The following FAT4 variants were observed in gnomAD, a reference collection of about 807,000 sequenced individuals.
The protein encoded by FAT4 is FAT atypical cadherin 4.
Under a neutral mutation model 303.9 loss-of-function variants are expected in FAT4, and 84 were observed. That is an observed-to-expected ratio of 0.28 (90% CI 0.23 to 0.33). The LOEUF (loss-of-function observed/expected upper bound fraction) is 0.33, where lower values mean the gene tolerates loss of function less well. Among genes scored for constraint, FAT4 ranks in the 10% least tolerant of loss-of-function variants. FAT4 has a pLI of 1.00. For synonymous variants in FAT4, 2,307 were observed against 2,298.8 expected, an observed-to-expected ratio of 1.00 and a Z score of -0.10; for missense variants, 6,005 against 6,146.8, an observed-to-expected ratio of 0.98 and a Z score of 0.77.
Position 125,446,355 on chromosome 4 carries a change from C to T in FAT4, c.7262C>T (p.Thr2421Ile). The T allele has an allele frequency of 6.2e-7, 1 of 1,613,126 alleles. No homozygotes were observed. The highest frequency in any genetic ancestry group is 8.5e-7 in the Non-Finnish European group (1 of 1,179,240). Residue 2421 changes from threonine (T) to isoleucine (I), a missense_variant, in exon 9 of 18, where the codon ACC becomes ATC. Thr to Ile is a moderately conservative substitution (Grantham distance 89, BLOSUM62 -1). Transcript: ENST00000394329. ...AACCCATCGACAGGACAAATCATCA[C>T]CAGCGCATTGTTAGATAGGGAAACA... ...TINPSTGQII[T>I]SALLDRETKD...
chr4:125,454,106 C>T (rs1726196100), intron 10 of FAT4, among the ~76,000 whole-genome samples: 1 of 152,148 alleles, frequency 6.6e-6, no homozygotes, highest in African/African-American at 2.4e-5. Flanking sequence ...TATTTATAAA[C>T]ATAATTTACA....
At chr4:125,359,429 T>A (rs1393619986) in intron 2 of FAT4, among the ~76,000 whole-genome samples, 2 of 152,320 alleles carry the variant, frequency 1.3e-5, no homozygotes, top group Admixed American at 1.3e-4. Context: ...TTCATACATA[T>A]TCATTAAGTG....
Position 125,477,233 on chromosome 4 carries a change from C to T in FAT4, c.12378C>T (p.His4126=), listed in dbSNP as rs1286748214. ...AACCAATCCTTCAGAGAAGAGGACA[C>T]GTGGAAAGCCATGATTTTGTTGGGT... ...SLEPILQRRG[H]VESHDFVGCI... is the part of the protein sequence containing the mutation. Residue 4126 remains histidine, a synonymous_variant, in exon 14 of 18, where the codon CAC becomes CAT. Transcript: ENST00000394329. 1.1e-5 allele frequency: 17 copies of T among 1,549,330 alleles called. No homozygotes were observed. The highest frequency in any genetic ancestry group is 1.4e-5 in the African/African-American group (1 of 71,010).
rs1482590682 is a variant in FAT4 at position 125,451,295 on chromosome 4, A to C, written c.10285A>C (p.Ser3429Arg). ...VPIGTHVTFVSAFDSDSIPSW... is the reference protein window; with the variant it reads ...VPIGTHVTFVRAFDSDSIPSW... ...AATAGGAACTCATGTGACCTTTGTC[A>C]GTGCCTTTGACTCAGACTCCATCCC... The change falls in exon 10 of 18, where the codon AGT becomes CGT. Residue 3429 changes from serine to arginine, a missense_variant. Transcript: ENST00000394329. 3 of 1,614,164 alleles carry C rather than the reference A, an allele frequency of 1.9e-6. No homozygotes were observed. The South Asian group carries it at 3.3e-5, about 18-fold the overall frequency.
At chr4:125,485,884 TGG>T (rs1727391396) in intron 16 of FAT4, among the ~76,000 whole-genome samples, 1 of 152,182 alleles carries the variant, frequency 6.6e-6, no homozygotes, top group Non-Finnish European at 1.5e-5. Context: ...TCAGCTCCTA[TGG>T]TTCATCATTG....
rs149250709 is a variant in FAT4 at position 125,468,638 on chromosome 4, C to T, written c.12032C>T (p.Ala4011Val). The T allele has an allele frequency of 3.9e-5, 63 of 1,614,036 alleles. No homozygotes were observed. In the African/African-American group the frequency reaches 4.5e-4, roughly 12 times the overall value. Residue 4011 changes from alanine (A) to valine (V), a missense_variant, in exon 12 of 18, where the codon GCC (alanine) becomes GTC (valine). Physicochemically the swap from Ala to Val is moderately conservative, Grantham distance 64 (BLOSUM62 0). Transcript: ENST00000394329. ...AAATTTGCCACGATTAAAAGTCATG[C>T]CTTATTGCTTTACAACTATGACAAC... The part of the protein sequence containing the change: ...YVKFATIKSH[A>V]LLLYNYDNQT...
rs976165775 is a variant in FAT4 at position 125,492,543 on chromosome 4, T to G, written c.*775T>G. On this transcript the variant is annotated 3_prime_UTR_variant, in exon 18 of 18. Coordinates refer to ENST00000394329, the MANE Select transcript of FAT4 (RefSeq NM_001291303.3). The stretch of plus-strand genomic sequence containing the variant: ...AGAAACACTCTTAAAAGTTATTTAT[T>G]GAAAATTTTTCGTATGCTTTTAATA... The G allele has an allele frequency of 6.6e-6, 1 of 152,330 alleles. No homozygotes were observed. Among genetic ancestry groups the G allele is most frequent in the Non-Finnish European group, 1.5e-5 (1 of 68,042 alleles). 9.4% of individuals were successfully genotyped at this position (152,330 alleles called of 1,614,324 possible).
chr4:125,341,399 A>G (rs1198344054), intron 2 of FAT4, among the ~76,000 whole-genome samples: 1 of 152,120 alleles, frequency 6.6e-6, no homozygotes, highest in Non-Finnish European at 1.5e-5. Context: ...TTATACTTCT[A>G]TTAACTGTAG....
At chr4:125,483,895 C>T (rs1008218024) in intron 16 of FAT4, among the ~76,000 whole-genome samples, 2 of 142,278 alleles carry the variant, frequency 1.4e-5, no homozygotes, top group Non-Finnish European at 3.0e-5. Context: ...TGGACTTTTA[C>T]TTATCAATTA....
At chr4:125,349,880 G>A (rs1229590612) in intron 2 of FAT4, among the ~76,000 whole-genome samples, 2 of 151,560 alleles carry the variant, frequency 1.3e-5, no homozygotes, top group East Asian at 1.9e-4. Context: ...AATTCAGAGT[G>A]CTTCAGTTGG....
chr4:125,480,262 T>C (rs1425376244), intron 15 of FAT4, among the ~76,000 whole-genome samples: 1 of 152,142 alleles, frequency 6.6e-6, no homozygotes, highest in African/African-American at 2.4e-5. Context: ...ACTAAATCAC[T>C]CAACACTGAG....
At chr4:125,476,783 T>G (rs1031318178) in intron 13 of FAT4, among the ~76,000 whole-genome samples, 1 of 152,154 alleles carries the variant, frequency 6.6e-6, no homozygotes. Context: ...ATCAACTTAC[T>G]GATATTCTTT....
intron 2 of FAT4, among the ~76,000 whole-genome samples, chr4:125,349,797 TA>T (rs747681207): frequency 6.6e-6 from 1 of 151,536 alleles, no homozygotes; most frequent in Non-Finnish European, 1.5e-5. Flanking sequence ...ATTTCAGAAA[TA>T]AAAACAAATA....
At chr4:125,386,572 G>C (rs982596398) in intron 2 of FAT4, among the ~76,000 whole-genome samples, 7 of 152,016 alleles carry the variant, frequency 4.6e-5, no homozygotes, top group African/African-American at 1.4e-4. Flanking sequence ...ACCTGGCCCT[G>C]AGTTTAGAAA....
At chr4:125,440,458 G>C (rs987230801) in intron 8 of FAT4, among the ~76,000 whole-genome samples, 1 of 151,904 alleles carries the variant, frequency 6.6e-6, no homozygotes, top group Non-Finnish European at 1.5e-5. Context: ...CCTGCTCAAT[G>C]TCTATATAAA....
rs1727642752 is a variant in FAT4 at position 125,491,524 on chromosome 4, G to GC, written c.14708_14709insC (p.Pro4904ThrfsTer13). 1 of 1,614,068 alleles carries GC rather than the reference G, an allele frequency of 6.2e-7. No homozygotes were observed. The highest frequency in any genetic ancestry group is 1.7e-5 in the Admixed American group (1 of 60,008). On this transcript the variant is annotated frameshift_variant, in exon 18 of 18. Transcript: ENST00000394329. LOFTEE classifies it high-confidence loss of function. ...TACCACGGTCGCAGGGCCGAGGGAGGACCTGTGGGCACCCAGGCAGCAGCA... is the reference window on the plus strand; with the variant it reads ...TACCACGGTCGCAGGGCCGAGGGAGGCACCTGTGGGCACCCAGGCAGCAGCA...
chr4:125,327,245 A>G (rs1731193903), intron 2 of FAT4, among the ~76,000 whole-genome samples: 1 of 152,132 alleles, frequency 6.6e-6, no homozygotes. Context: ...TGGAGAGCAA[A>G]GGTAGATGAG....
In FAT4 at chr4:125,491,548, C is replaced by T. The variant is rs762126456; in HGVS notation, c.14732C>T (p.Ala4911Val). Reference protein sequence around the residue: ...EGGPVGTQAAAPGTADNTLPM... With the variant: ...EGGPVGTQAAVPGTADNTLPM... ...GGACCTGTGGGCACCCAGGCAGCAG[C>T]ACCAGGCACTGCTGACAACACACTG... is the stretch of plus-strand genomic sequence containing the variant. Residue 4911 changes from alanine (A) to valine (V), a missense_variant, in exon 18 of 18, where the codon GCA becomes GTA. Physicochemically the swap from Ala to Val is moderately conservative, Grantham distance 64. Coordinates refer to ENST00000394329, the MANE Select transcript of FAT4 (RefSeq NM_001291303.3). The T allele has an allele frequency of 3.1e-6, 5 of 1,614,048 alleles. No individual in the cohort carries two copies. In the South Asian group the frequency reaches 5.5e-5, roughly 18 times the overall value.
Position 125,317,250 on chromosome 4 carries a change from G to A in FAT4, c.839G>A (p.Gly280Asp), listed in dbSNP as rs1295478076. The A allele has an allele frequency of 1.3e-6, 2 of 1,579,566 alleles. No homozygotes were observed. Among genetic ancestry groups the A allele is most frequent in the Non-Finnish European group, 1.7e-6 (2 of 1,160,512 alleles). ...GTGGCGGCGGCGGACGCGGACGAGG[G>A]CACCAACGCGGACATCCGCTATCGC... ...LQVAAADADEGTNADIRYRLQ... is the reference protein window; with the variant it reads ...LQVAAADADEDTNADIRYRLQ... Residue 280 changes from glycine (G) to aspartate (D), a missense_variant, in exon 2 of 18, where the codon GGC (glycine) becomes GAC (aspartate). Transcript: ENST00000394329. The surrounding 1 kb of genome is among the most constrained non-coding windows in gnomAD (Gnocchi z 7.0).
Sources: gnomAD v4.1 joint callset for allele counts (sites outside exome capture counted in the v4.1 genomes callset) on GRCh38, gnomAD v4.1.1 for gene constraint, Gnocchi (gnomAD v3.1) non-coding constraint, MANE v1.5 for transcripts, NCBI Gene and HGNC (gene_info 2026-07-23, HGNC 2026-07-21) for gene names.